RGS9: variants seen among roughly 807,000 people sequenced by gnomAD.
The protein encoded by RGS9 is regulator of G protein signaling 9, also known as regulator of G-protein signalling 9.
RGS9 carries 78 observed loss-of-function variants against 102.0 expected under a neutral mutation model. The ratio of observed to expected loss-of-function variants is 0.76; its 90% CI spans 0.64 to 0.92. RGS9 has a LOEUF of 0.92. Among genes scored for constraint, RGS9 ranks in the 40% least tolerant of loss-of-function variants. The probability of loss-of-function intolerance (pLI) is 0.00; values close to 1 mark genes in which losing one functional copy is unlikely to be tolerated. For synonymous variants in RGS9, 353 were observed against 318.6 expected (o/e 1.11, Z -1.15); for missense variants, 833 against 866.1 (o/e 0.96, Z 0.48).
chr17:65,159,406 C>T (rs1910893934), intron 3 of RGS9, among the ~76,000 whole-genome samples: 1 of 152,140 alleles, frequency 6.6e-6, no homozygotes, highest in South Asian at 2.1e-4. Flanking sequence ...AGATTTCACA[C>T]TAGAAAATAG....
intron 9 of RGS9, among the ~76,000 whole-genome samples, chr17:65,183,353 C>T (rs944645229): frequency 6.6e-6 from 1 of 152,152 alleles, no homozygotes; most frequent in African/African-American, 2.4e-5. Context: ...AAAATCCTGT[C>T]CTCGAGTGAT....
intron 9 of RGS9, among the ~76,000 whole-genome samples, chr17:65,178,891 C>T (rs1911747608): frequency 1.3e-5 from 2 of 152,180 alleles, no homozygotes; most frequent in South Asian, 4.1e-4. Context: ...ATGTCAGTAC[C>T]TCCATTCCTC....
intron 16 of RGS9, among the ~76,000 whole-genome samples, chr17:65,208,464 C>T (rs745446787): frequency 6.6e-6 from 1 of 152,240 alleles, no homozygotes; most frequent in East Asian, 1.9e-4. Flanking sequence ...GCTAGGTATT[C>T]TTGCTGCCTC....
At position 65,171,925 on chromosome 17, in the gene RGS9, C is replaced by T. The variant is rs114560899; in HGVS notation, c.582+3644C>T. Among the ~76,000 whole-genome samples the T allele has an allele frequency of 2.8e-3, 423 of 152,336 alleles. 5 individuals carry two copies. The highest frequency in any genetic ancestry group is 9.9e-3 in the African/African-American group (411 of 41,576). ...ATCTTTGCTGTGCCATCTGTGACTT[C>T]CTGCCTCCCAAGGATGTAGTCTGAG... On this transcript the variant is annotated intron_variant, in intron 8 of 18. Coordinates refer to ENST00000262406, the MANE Select transcript of RGS9 (RefSeq NM_003835.4).
intron 7 of RGS9, among the ~76,000 whole-genome samples, chr17:65,166,838 A>G (rs1330737785): frequency 6.6e-6 from 1 of 152,218 alleles, no homozygotes; most frequent in Non-Finnish European, 1.5e-5. Flanking sequence ...GTCAGGGGGA[A>G]GTTTGAAAAC....
chr17:65,206,655 C>T (rs552573990), intron 15 of RGS9, among the ~76,000 whole-genome samples: 3 of 152,138 alleles, frequency 2.0e-5, no homozygotes, highest in African/African-American at 4.8e-5. Flanking sequence ...CCGGCCTGGG[C>T]GAAAGAGTGA....
intron 17 of RGS9, among the ~76,000 whole-genome samples, chr17:65,222,877 A>G (rs1403930098): frequency 6.6e-6 from 1 of 152,170 alleles, no homozygotes; most frequent in Non-Finnish European, 1.5e-5. Flanking sequence ...CTGCCTTTGT[A>G]CTAAGCACCC....
intron 6 of RGS9, 55 bp from the exon 7 acceptor site, chr17:65,162,958 G>A (rs1019121891): frequency 6.2e-6 from 6 of 967,900 alleles, no homozygotes; most frequent in Non-Finnish European, 8.2e-6. Flanking sequence ...GTTGCCCTGC[G>A]GCACATGGCA....
intron 7 of RGS9, among the ~76,000 whole-genome samples, chr17:65,166,286 T>C (rs2144009751): frequency 6.6e-6 from 1 of 152,296 alleles, no homozygotes; most frequent in East Asian, 1.9e-4. Context: ...CATAGACACA[T>C]CTGTCAATGG....
intron 8 of RGS9, among the ~76,000 whole-genome samples, chr17:65,169,829 C>G (rs914230578): frequency 2.0e-5 from 3 of 151,996 alleles, no homozygotes; most frequent in African/African-American, 4.8e-5. Context: ...TGCCTCCCCC[C>G]CAGCCCATCT....
At chr17:65,141,510 G>T (rs1284404204) in intron 1 of RGS9, among the ~76,000 whole-genome samples, 1 of 152,194 alleles carries the variant, frequency 6.6e-6, no homozygotes, top group East Asian at 1.9e-4. Flanking sequence ...GGCCGAGTTT[G>T]GTATCTCTTG....
At chr17:65,149,111 G>A (rs1020930833) in intron 1 of RGS9, among the ~76,000 whole-genome samples, 9 of 150,008 alleles carry the variant, frequency 6.0e-5, no homozygotes, top group South Asian at 2.1e-4. Context: ...GTAGGCGCCC[G>A]CCACCATGCC....
Position 65,160,413 on chromosome 17 carries a change from C to A in RGS9, c.312+74C>A, listed in dbSNP as rs1910935863. 2.6e-6 allele frequency: 4 copies of A among 1,557,238 alleles called. No individual in the cohort carries two copies. In the East Asian group the frequency reaches 9.0e-5, roughly 35 times the overall value. On this transcript the variant is annotated intron_variant, in intron 4 of 18. Coordinates refer to ENST00000262406, the MANE Select transcript of RGS9 (RefSeq NM_003835.4). ...TGAAAAGGTGGGGTTCATAGTTTCA[C>A]AGATCAAGGACTTCAGAAATGGTGG...
intron 2 of RGS9, 54 bp downstream of exon 2, chr17:65,153,572 A>G: frequency 1.5e-6 from 2 of 1,345,388 alleles, no homozygotes; most frequent in Non-Finnish European, 2.1e-6. Flanking sequence ...CAGGCCCAAT[A>G]CGGCCCACCT....
intron 17 of RGS9, among the ~76,000 whole-genome samples, chr17:65,219,036 G>A (rs1913608280): frequency 6.6e-6 from 1 of 152,260 alleles, no homozygotes; most frequent in Admixed American, 6.5e-5. Context: ...GAGATCAGCA[G>A]AGGCTAAAGC....
intron 1 of RGS9, among the ~76,000 whole-genome samples, chr17:65,143,285 G>C (rs923757082): frequency 6.6e-6 from 1 of 152,094 alleles, no homozygotes; most frequent in African/African-American, 2.4e-5. Flanking sequence ...GCGTTGATGG[G>C]GCCACTGTTG....
chr17:65,225,058 G>A lies in RGS9; in HGVS notation c.1464G>A (p.Met488Ile), dbSNP rs1598013023. The part of the protein sequence containing the change: ...PHLTVYTGTC[M>I]PPSPSSPFSS... ...TGACCGTGTACACCGGGACCTGCAT[G>A]CCCCCGTCTCCTTCTAGCCCCTTCT... Residue 488 changes from methionine (M) to isoleucine (I), a missense_variant, in exon 18 of 19, where the codon ATG (methionine) becomes ATA (isoleucine). This residue lies in a region of RGS9 where 320 missense variants were observed against 276.8 expected (regional missense o/e 1.16). Transcript: ENST00000262406. The A allele has an allele frequency of 3.1e-6, 5 of 1,613,954 alleles. No individual in the cohort carries two copies. In the East Asian group the frequency reaches 1.1e-4, roughly 36 times the overall value.
intron 1 of RGS9, among the ~76,000 whole-genome samples, chr17:65,142,775 G>A (rs1011010804): frequency 1.3e-5 from 2 of 151,910 alleles, no homozygotes; most frequent in African/African-American, 2.4e-5. Context: ...TAGAGACGGG[G>A]TTTCACCATG....
intron 17 of RGS9, among the ~76,000 whole-genome samples, chr17:65,224,461 G>A (rs1362569751): frequency 1.3e-5 from 2 of 152,220 alleles, no homozygotes; most frequent in African/African-American, 4.8e-5. Context: ...CCAAAAGGGT[G>A]GTCACTGTGG....
Sources: gnomAD v4.1 joint callset for allele counts (sites outside exome capture counted in the v4.1 genomes callset) on GRCh38, gnomAD v4.1.1 for gene constraint, gnomAD v4.1.1 regional missense constraint, MANE v1.5 for transcripts, NCBI Gene and HGNC (gene_info 2026-07-23, HGNC 2026-07-21) for gene names.